SLC25A13: variants seen among roughly 807,000 people sequenced by gnomAD.
The protein encoded by SLC25A13 is electrogenic aspartate/glutamate antiporter SLC25A13, mitochondrial.
Under a neutral mutation model 85.5 loss-of-function variants are expected in SLC25A13, and 70 were observed. The observed-to-expected ratio is 0.82, with a 90% confidence interval of 0.68 to 1.00. SLC25A13 has a LOEUF of 1.00. SLC25A13 is among the 50% of genes least tolerant of loss of function. SLC25A13 has a pLI of 0.00. For missense variants in SLC25A13, 765 were observed against 819.8 expected (o/e 0.93, Z 0.82); for synonymous variants, 259 against 288.7 (o/e 0.90, Z 1.04).
chr7:96,167,396 A>T (rs1013069647), intron 13 of SLC25A13, among the ~76,000 whole-genome samples: 4 of 152,224 alleles, frequency 2.6e-5, no homozygotes, highest in African/African-American at 9.6e-5. Flanking sequence ...ATTCTAAAAA[A>T]ATATATACAA....
At chr7:96,188,211 C>T (rs185817265) in intron 9 of SLC25A13, among the ~76,000 whole-genome samples, 150 of 152,286 alleles carry the variant, frequency 9.8e-4, no homozygotes, top group Middle Eastern at 3.4e-3. Flanking sequence ...CACCTCTACA[C>T]GTGATTATAG....
chr7:96,303,618 T>C (rs1045447675), intron 1 of SLC25A13, among the ~76,000 whole-genome samples: 6 of 152,160 alleles, frequency 3.9e-5, no homozygotes, highest in African/African-American at 1.4e-4. Context: ...TGCCATCAAT[T>C]AGATGAAATT....
At chr7:96,171,352 G>T in intron 12 of SLC25A13, 120 bp downstream of exon 12, 2 of 863,684 alleles carry the variant, frequency 2.3e-6, no homozygotes, top group Non-Finnish European at 3.9e-6. Context: ...GAGTTCCCCT[G>T]CTTTCAAATT....
In SLC25A13 at chr7:96,234,812, T is replaced by C. The variant is rs772488794; in HGVS notation, c.318A>G (p.Glu106=). The C allele has an allele frequency of 1.2e-6, 2 of 1,612,638 alleles. No individual in the cohort carries two copies. The highest frequency in any genetic ancestry group is 1.3e-5 in the African/African-American group (1 of 74,644). Reference sequence around the variant, plus strand: ...AAGCATGCTTCTTACCAAAAGTTACTTCTCCTTTGCCAGCTTTGTCAAACA... The same window carrying C: ...AAGCATGCTTCTTACCAAAAGTTACCTCTCCTTTGCCAGCTTTGTCAAACA... ...FQLFDKAGKG[E]VTFEDVKQVF... Residue 106 remains glutamate (E), a synonymous_variant, in exon 4 of 18, where the codon GAA becomes GAG. Transcript: ENST00000265631.
intron 2 of SLC25A13, among the ~76,000 whole-genome samples, chr7:96,285,045 T>C (rs1231456452): frequency 4.6e-5 from 7 of 152,102 alleles, no homozygotes; most frequent in Non-Finnish European, 7.4e-5. Flanking sequence ...TCTCTGTTAC[T>C]AATACAATAG....
chr7:96,173,174 T>C (rs117542994), intron 11 of SLC25A13, among the ~76,000 whole-genome samples: 207 of 152,350 alleles, frequency 1.4e-3, no homozygotes, highest in Non-Finnish European at 2.4e-3. Flanking sequence ...CATGTTTTCA[T>C]GGAAAAATGG....
At chr7:96,223,034 G>A (rs532248930) in intron 4 of SLC25A13, among the ~76,000 whole-genome samples, 1 of 152,110 alleles carries the variant, frequency 6.6e-6, no homozygotes, top group South Asian at 2.1e-4. Flanking sequence ...ATCTTTAAAG[G>A]GCAGCTCACT....
At chr7:96,288,236 G>A (rs377415057) in intron 2 of SLC25A13, among the ~76,000 whole-genome samples, 4 of 152,222 alleles carry the variant, frequency 2.6e-5, no homozygotes, top group African/African-American at 7.2e-5. Flanking sequence ...TTCAAGACCA[G>A]TCTGGCCAGC....
At chr7:96,282,286 G>T (rs114146975) in intron 2 of SLC25A13, among the ~76,000 whole-genome samples, 1,676 of 152,192 alleles carry the variant, frequency 0.011, 30 homozygotes, top group African/African-American at 0.039. Flanking sequence ...TACCCCGAGG[G>T]CAGGGGTCCT....
chr7:96,168,814 AG>A (rs763261136), intron 13 of SLC25A13, among the ~76,000 whole-genome samples: 2 of 152,234 alleles, frequency 1.3e-5, no homozygotes, highest in African/African-American at 2.4e-5. Flanking sequence ...CTGAAGGACT[AG>A]GCTAGGCACA....
rs528908830 is a variant in SLC25A13 at position 96,322,077 on chromosome 7, A to G, written c.-121T>C. 77 of 1,373,688 alleles carry G rather than the reference A, an allele frequency of 5.6e-5. No homozygotes were observed. The African/African-American group carries it at 1.0e-3, about 18-fold the overall frequency. The allele number at this position is 1,373,688 out of a possible 1,614,324, so 85.1% of individuals were successfully genotyped here. ...GGTGGGGGCGGCGATACGGCCAGGC[A>G]GCGTGCGTTCCTGGCCTGCCTCCCC... On this transcript the variant is annotated 5_prime_UTR_variant, in exon 1 of 18. Coordinates refer to ENST00000265631, the MANE Select transcript of SLC25A13 (RefSeq NM_014251.3).
chr7:96,257,922 T>C (rs1161957024), intron 3 of SLC25A13, among the ~76,000 whole-genome samples: 1 of 152,124 alleles, frequency 6.6e-6, no homozygotes. Context: ...TACGTGATAA[T>C]CAATAAACGT....
intron 13 of SLC25A13, among the ~76,000 whole-genome samples, chr7:96,166,101 T>TA (rs1793730072): frequency 6.6e-6 from 1 of 152,222 alleles, no homozygotes; most frequent in Admixed American, 6.5e-5. Context: ...CCAACAGTGT[T>TA]AGTCTCACCA....
At position 96,231,538 on chromosome 7, in the gene SLC25A13, A is replaced by G. The variant is rs185703823; in HGVS notation, c.328+3264T>C. ...TCAGGAGTTTGAGACCATCCTGACC[A>G]ATATGGTAAAACCACGTCTCTACTA... On this transcript the variant is annotated intron_variant, in intron 4 of 17. Transcript: ENST00000265631. Among the ~76,000 whole-genome samples, 630 of 152,204 alleles carry G rather than the reference A, an allele frequency of 4.1e-3. 7 individuals carry two copies. Among genetic ancestry groups the G allele is most frequent in the African/African-American group, 0.014 (592 of 41,518 alleles).
intron 2 of SLC25A13, among the ~76,000 whole-genome samples, chr7:96,281,228 T>C (rs561384848): frequency 2.0e-5 from 3 of 151,894 alleles, no homozygotes; most frequent in East Asian, 1.9e-4. Context: ...CCGTCTGTAC[T>C]AAAAATACAA....
intron 15 of SLC25A13, among the ~76,000 whole-genome samples, chr7:96,130,495 A>AG (rs1791976124): frequency 6.6e-6 from 1 of 152,216 alleles, no homozygotes; most frequent in Admixed American, 6.5e-5. Context: ...ACCAAAGCTT[A>AG]CAAGAAGTGA....
intron 14 of SLC25A13, among the ~76,000 whole-genome samples, chr7:96,138,952 T>A (rs138232630): frequency 2.9e-4 from 44 of 152,282 alleles, no homozygotes; most frequent in African/African-American, 8.4e-4. Flanking sequence ...CCTGGAGAGG[T>A]TGTTGACCAC....
intron 1 of SLC25A13, among the ~76,000 whole-genome samples, chr7:96,319,112 T>C (rs1055394959): frequency 2.0e-5 from 3 of 152,182 alleles, no homozygotes; most frequent in African/African-American, 7.2e-5. Flanking sequence ...AGCAGCTTCA[T>C]TGAGGGACCT....
At chr7:96,263,155 C>G in intron 3 of SLC25A13, among the ~76,000 whole-genome samples, 1 of 152,118 alleles carries the variant, frequency 6.6e-6, no homozygotes, top group East Asian at 1.9e-4. Context: ...TATCAACCAG[C>G]AGGCACAATC....
Sources: gnomAD v4.1 joint callset for allele counts (sites outside exome capture counted in the v4.1 genomes callset) on GRCh38, gnomAD v4.1.1 for gene constraint, MANE v1.5 for transcripts, NCBI Gene and HGNC (gene_info 2026-07-23, HGNC 2026-07-21) for gene names.